Variants in SMCHD1 observed in about 807,000 individuals in gnomAD.
The protein encoded by SMCHD1 is structural maintenance of chromosomes flexible hinge domain-containing protein 1.
In SMCHD1, 78 loss-of-function variants were observed where a neutral mutation model predicts 254.7. The ratio of observed to expected loss-of-function variants is 0.31; its 90% CI spans 0.26 to 0.37. The LOEUF is 0.37. SMCHD1 is among the 10% of genes least tolerant of loss of function. SMCHD1 has a pLI of 1.00. For synonymous variants in SMCHD1, 766 were observed against 794.9 expected (o/e 0.96, Z 0.61); for missense variants, 1,840 against 2,408.1 (o/e 0.76, Z 4.94).
chr18:2,725,360 C>A, intron 21 of SMCHD1, among the ~76,000 whole-genome samples: 2 of 147,778 alleles, frequency 1.4e-5, no homozygotes. Context: ...TTTCTTAGAA[C>A]AAAAATGACA....
intron 34 of SMCHD1, chr18:2,753,262 T>C (rs557589425): frequency 1.3e-5 from 2 of 152,268 alleles, no homozygotes; most frequent in Non-Finnish European, 2.9e-5. Context: ...GCATAAGACT[T>C]CTTTCACTCA....
intron 1 of SMCHD1, among the ~76,000 whole-genome samples, chr18:2,659,033 T>C (rs966901189): frequency 1.1e-4 from 17 of 152,284 alleles, no homozygotes; most frequent in African/African-American, 3.9e-4. Flanking sequence ...CAAAATAATA[T>C]ACTAAAGTTT....
intron 29 of SMCHD1, among the ~76,000 whole-genome samples, chr18:2,746,825 A>G (rs2075462886): frequency 1.3e-5 from 2 of 152,138 alleles, no homozygotes; most frequent in Admixed American, 6.6e-5. Context: ...TTTGTCAGGT[A>G]TCTTGTTTAA....
intron 12 of SMCHD1, chr18:2,702,327 C>T (rs1598338039): frequency 8.2e-6 from 1 of 121,856 alleles, no homozygotes; most frequent in Non-Finnish European, 1.9e-5. Flanking sequence ...TGTTCAAATA[C>T]ACAGAAAAGT....
rs1448054656 is a variant in SMCHD1, at chr18:2,700,676, C to T, written c.1463+17C>T. The T allele has an allele frequency of 1.2e-6, 2 of 1,602,366 alleles. No individual in the cohort carries two copies. Among genetic ancestry groups the T allele is most frequent in the South Asian group, 2.2e-5 (2 of 89,180 alleles). ...AGTTGAAGAGTAAGTTTGATTTTTG[C>T]TGAAATTATGTTTTTACAACTTAAT... On this transcript the variant is annotated intron_variant, in intron 11 of 47. Coordinates refer to ENST00000320876, the MANE Select transcript of SMCHD1 (RefSeq NM_015295.3).
intron 3 of SMCHD1, among the ~76,000 whole-genome samples, chr18:2,672,300 C>T (rs575987648): frequency 1.3e-4 from 20 of 152,238 alleles, no homozygotes; most frequent in African/African-American, 3.9e-4. Flanking sequence ...AATCTTGGCT[C>T]ACTGCAACCT....
intron 1 of SMCHD1, among the ~76,000 whole-genome samples, chr18:2,659,469 A>G (rs1245674112): frequency 1.3e-5 from 2 of 152,192 alleles, no homozygotes; most frequent in Non-Finnish European, 2.9e-5. Context: ...GAGGGAAGAA[A>G]TGGAAAGGAC....
chr18:2,716,143 C>T (rs1341339900), intron 17 of SMCHD1, among the ~76,000 whole-genome samples: 4 of 152,126 alleles, frequency 2.6e-5, no homozygotes, highest in Non-Finnish European at 5.9e-5. Flanking sequence ...TATTCAGTGA[C>T]ATAGATTATC....
intron 10 of SMCHD1, among the ~76,000 whole-genome samples, chr18:2,698,742 T>C (rs2074337032): frequency 6.7e-6 from 1 of 148,436 alleles, no homozygotes; most frequent in African/African-American, 2.4e-5. Flanking sequence ...CATATTCAGT[T>C]TCTTAGCACC....
chr18:2,673,155 G>A (rs2143840808), intron 3 of SMCHD1, 126 bp from the exon 4 acceptor site: 1 of 1,348,436 alleles, frequency 7.4e-7, no homozygotes, highest in East Asian at 2.7e-5. Context: ...ATATCATTAG[G>A]ATCAGGATAA....
chr18:2,668,559 T>G (rs1416610667), intron 3 of SMCHD1, among the ~76,000 whole-genome samples: 2 of 152,214 alleles, frequency 1.3e-5, no homozygotes, highest in Non-Finnish European at 2.9e-5. Flanking sequence ...TCTCATGTTG[T>G]TCTTTTTGTA....
chr18:2,770,842 A>C (rs2075968622), intron 39 of SMCHD1, among the ~76,000 whole-genome samples: 1 of 152,158 alleles, frequency 6.6e-6, no homozygotes, highest in East Asian at 1.9e-4. Context: ...GCTGGTCTCG[A>C]ACTTCTTACC....
At chr18:2,722,462 C>G in intron 19 of SMCHD1, 57 bp from the exon 20 acceptor site, 1 of 1,452,132 alleles carries the variant, frequency 6.9e-7, no homozygotes. Context: ...TTTTGACCCC[C>G]AATGGCTTTT....
In SMCHD1 at chr18:2,729,634, T is replaced by C. The variant is rs60929090; in HGVS notation, c.3048+225T>C. ...TTGATTTTTACAGTGTCTTTTATAG[T>C]GTCTATAACTATTATTGATTTACAT... On this transcript the variant is annotated intron_variant, in intron 24 of 47. Coordinates refer to ENST00000320876, the MANE Select transcript of SMCHD1 (RefSeq NM_015295.3). Among the ~76,000 whole-genome samples, 30,849 of 152,044 alleles carry C rather than the reference T, an allele frequency of 0.2. 3,371 individuals carry two copies. Among genetic ancestry groups the C allele is most frequent in the South Asian group, 0.33 (1,599 of 4,824 alleles).
In SMCHD1 at chr18:2,775,752, A is replaced by G. The variant is rs1457135224; in HGVS notation, c.5194A>G (p.Ile1732Val). The G allele has an allele frequency of 6.2e-7, 1 of 1,612,778 alleles. No homozygotes were observed. Among genetic ancestry groups the G allele is most frequent in the Non-Finnish European group, 8.5e-7 (1 of 1,179,512 alleles). Residue 1732 changes from isoleucine (I) to valine (V), a missense_variant, in exon 42 of 48, where the codon ATT (isoleucine) becomes GTT (valine). Ile to Val is a conservative substitution (Grantham distance 29). Coordinates refer to ENST00000320876, the MANE Select transcript of SMCHD1 (RefSeq NM_015295.3). ...VLGKIAHLAQ[I>V]EDDRAAMVIS... Reference sequence around the variant, plus strand: ...GTTATAGATTGCACATCTAGCACAAATTGAAGATGATAGAGCTGCGATGGT... The same window carrying G: ...GTTATAGATTGCACATCTAGCACAAGTTGAAGATGATAGAGCTGCGATGGT...
At chr18:2,757,877 GATT>G (rs750198706) in intron 34 of SMCHD1, among the ~76,000 whole-genome samples, 50 of 152,030 alleles carry the variant, frequency 3.3e-4, no homozygotes, top group Admixed American at 1.0e-3. Context: ...TACAGACTTA[GATT>G]ATTATTATTA....
chr18:2,802,499 A>C, intron 47 of SMCHD1, 29 bp from the exon 48 acceptor site: 1 of 1,542,252 alleles, frequency 6.5e-7, no homozygotes. Context: ...TTGGTACATA[A>C]AACTTTTTTT....
intron 34 of SMCHD1, among the ~76,000 whole-genome samples, chr18:2,754,238 A>C (rs2075630344): frequency 6.6e-6 from 1 of 152,188 alleles, no homozygotes. Context: ...CATTTAGGTC[A>C]TCAACACATT....
chr18:2,704,336 GT>G (rs1221591539), intron 13 of SMCHD1, among the ~76,000 whole-genome samples: 2 of 151,854 alleles, frequency 1.3e-5, no homozygotes, highest in East Asian at 3.9e-4. Flanking sequence ...AGTGTTTTTT[GT>G]TTGTTTGTTT....
Sources: gnomAD v4.1 joint callset for allele counts (sites outside exome capture counted in the v4.1 genomes callset) on GRCh38, gnomAD v4.1.1 for gene constraint, MANE v1.5 for transcripts, NCBI Gene and HGNC (gene_info 2026-07-23, HGNC 2026-07-21) for gene names.